The following CASK variants were observed in gnomAD, a reference collection of about 807,000 sequenced individuals.
The protein encoded by CASK is peripheral plasma membrane protein CASK.
In CASK, 4 loss-of-function variants were observed where a neutral mutation model predicts 82.9. That is an observed-to-expected ratio of 0.05 (90% CI 0.02 to 0.11). The LOEUF (loss-of-function observed/expected upper bound fraction) is 0.11. Among genes scored for constraint, CASK ranks in the 10% least tolerant of loss-of-function variants. The pLI, the probability that CASK is intolerant of heterozygous loss-of-function variation, is 1.00. For missense variants in CASK, 358 were observed against 720.9 expected (o/e 0.50, Z 5.76); for synonymous variants, 259 against 253.5 (o/e 1.02, Z -0.20).
intron 3 of CASK, among the ~76,000 whole-genome samples, chrX:41,756,422 T>C (rs1307340424): frequency 2.7e-5 from 3 of 111,954 alleles, no homozygotes; most frequent in Admixed American, 9.5e-5. Context: ...CCAATGTCCA[T>C]CAATAGTAGA....
intron 18 of CASK, among the ~76,000 whole-genome samples, chrX:41,557,685 A>G (rs1256843334): frequency 9.0e-6 from 1 of 111,221 alleles, no homozygotes; most frequent in African/African-American, 3.3e-5. Flanking sequence ...AGATTGATTA[A>G]AACAATAATC....
intron 3 of CASK, among the ~76,000 whole-genome samples, chrX:41,783,167 C>T (rs1321111380): frequency 9.0e-6 from 1 of 111,392 alleles, no homozygotes; most frequent in Non-Finnish European, 1.9e-5. Context: ...CAACAAAAAA[C>T]AAACCCAACT....
chrX:41,680,644 C>T (rs2067337080), intron 5 of CASK, among the ~76,000 whole-genome samples: 2 of 110,881 alleles, frequency 1.8e-5, no homozygotes, highest in South Asian at 7.6e-4. Context: ...CCATGCTGGG[C>T]GTGGTGGCTC....
chrX:41,583,300 C>T (rs2065608773), intron 14 of CASK, among the ~76,000 whole-genome samples: 1 of 111,679 alleles, frequency 9.0e-6, no homozygotes, highest in Admixed American at 9.5e-5. Context: ...AAAAAAAAGG[C>T]TCCTATTTGG....
At chrX:41,727,407 G>C in intron 5 of CASK, 1 of 1,210,852 alleles carries the variant, frequency 8.3e-7, no homozygotes, top group South Asian at 1.8e-5. Flanking sequence ...AGGATTCCTC[G>C]CAAGAGACTA....
intron 3 of CASK, among the ~76,000 whole-genome samples, chrX:41,769,719 T>A (rs1182736039): frequency 1.8e-5 from 2 of 110,928 alleles, no homozygotes; most frequent in African/African-American, 3.3e-5. Context: ...GGAGGCAGGA[T>A]GATTCCTTGA....
intron 12 of CASK, among the ~76,000 whole-genome samples, chrX:41,601,566 A>T (rs757764216): frequency 1.8e-5 from 2 of 111,729 alleles, no homozygotes; most frequent in Non-Finnish European, 3.8e-5. Flanking sequence ...TTAGCCACAA[A>T]GCTAAATTTT....
chrX:41,580,990 C>T (rs962910343), intron 14 of CASK, among the ~76,000 whole-genome samples: 1 of 112,126 alleles, frequency 8.9e-6, no homozygotes, highest in Non-Finnish European at 1.9e-5. Flanking sequence ...CTGCAATAAG[C>T]AAAGGAAATA....
Position 41,696,740 on chromosome X carries a change from T to C in CASK, c.430-25210A>G, listed in dbSNP as rs755191592. ...CAGGATACTCCCTGCATGATACATC[T>C]GTGGCAGTGAAAATACAGTCTAGTT... On this transcript the variant is annotated intron_variant, in intron 5 of 26. Coordinates refer to ENST00000378163, the MANE Select transcript of CASK (RefSeq NM_001367721.1). 8.3e-6 allele frequency: 10 copies of C among 1,199,558 alleles called. No individual in the cohort carries two copies. The Admixed American group carries it at 2.2e-4, about 27-fold the overall frequency.
At position 41,558,169 on chromosome X, in the gene CASK, CT is replaced by C. The variant is rs765865407; in HGVS notation, c.1738-1070del. The C allele has an allele frequency of 1.9e-3, 195 of 101,022 alleles. 1 individual carries two copies. The highest frequency in any genetic ancestry group is 0.012 in the South Asian group (26 of 2,240). The allele number at this position is 101,022 out of a possible 1,213,427, so 8.3% of individuals were successfully genotyped here. A position where few individuals can be genotyped will look rare whatever the true frequency, so the allele number is the denominator to read the frequency against. On this transcript the variant is annotated intron_variant, in intron 18 of 26. Coordinates refer to ENST00000378163, the MANE Select transcript of CASK (RefSeq NM_001367721.1). ...CAGATGCAGGTGGCCAGAGAGCCTT[CT>C]TTTTTTTTTTTTGAAGTATTGCCCT...
intron 22 of CASK, among the ~76,000 whole-genome samples, chrX:41,537,745 G>A (rs1050934538): frequency 3.7e-5 from 4 of 109,183 alleles, no homozygotes; most frequent in African/African-American, 9.9e-5. Flanking sequence ...GAGTGTAGAC[G>A]TGGAAGCCTT....
At position 41,749,059 on chromosome X, in the gene CASK, C is replaced by T. The variant is rs186705065; in HGVS notation, c.279-3458G>A. On this transcript the variant is annotated intron_variant, in intron 3 of 26. Coordinates refer to ENST00000378163, the MANE Select transcript of CASK (RefSeq NM_001367721.1). ...CAGCGCTTTGGGAGGCCGAGGCGGG[C>T]GGATAGCTTGAGGCCAGGAGTTCGC... Among the ~76,000 whole-genome samples the T allele has an allele frequency of 1.3e-3, 145 of 110,912 alleles. 2 individuals are homozygous for T. The highest frequency in any genetic ancestry group is 4.5e-3 in the African/African-American group (137 of 30,543).
At chrX:41,870,035 GGA>G (rs1449792386) in intron 1 of CASK, among the ~76,000 whole-genome samples, 2 of 109,122 alleles carry the variant, frequency 1.8e-5, no homozygotes, top group Non-Finnish European at 3.8e-5. Context: ...GGTCCCAGCA[GGA>G]GAGGAAAGAG....
chrX:41,528,843 C>T lies in CASK; in HGVS notation c.2520+2164G>A, dbSNP rs779723218. On this transcript the variant is annotated intron_variant, in intron 25 of 26. Transcript: ENST00000378163. ...CCTGAAGGCAGGATGAAGGCCTTGT[C>T]CAGCTGAGGAGAGACTGGGCTGAGG... 6.2e-5 allele frequency among the ~76,000 whole-genome samples: 7 copies of T among 112,125 alleles called. No homozygotes were observed. In the South Asian group the frequency reaches 2.6e-3, roughly 42 times the overall value.
chrX:41,741,476 C>A (rs2147724706), intron 4 of CASK, among the ~76,000 whole-genome samples: 1 of 112,035 alleles, frequency 8.9e-6, no homozygotes, highest in African/African-American at 3.2e-5. Flanking sequence ...ACAGAATGAA[C>A]TATTTTGGAT....
At chrX:41,681,878 G>A (rs1409910385) in intron 5 of CASK, among the ~76,000 whole-genome samples, 1 of 108,346 alleles carries the variant, frequency 9.2e-6, no homozygotes. Flanking sequence ...CCTGGGAGGC[G>A]GAGGTTGTAG....
At chrX:41,598,224 C>T (rs2065848956) in intron 12 of CASK, among the ~76,000 whole-genome samples, 1 of 111,383 alleles carries the variant, frequency 9.0e-6, no homozygotes, top group African/African-American at 3.3e-5. Context: ...TGGAGAAGAG[C>T]AGTGTATTTA....
intron 1 of CASK, among the ~76,000 whole-genome samples, chrX:41,883,078 C>T (rs1451642684): frequency 8.9e-6 from 1 of 111,938 alleles, no homozygotes; most frequent in African/African-American, 3.2e-5. Context: ...AAGCTGGTTA[C>T]TCTTGTTAGG....
intron 1 of CASK, among the ~76,000 whole-genome samples, chrX:41,857,350 A>G (rs2071391626): frequency 9.0e-6 from 1 of 110,981 alleles, no homozygotes; most frequent in Non-Finnish European, 1.9e-5. Flanking sequence ...GGGGTACGGA[A>G]GGTTCAAATT....
Sources: allele counts gnomAD v4.1 joint callset (sites outside exome capture counted in the v4.1 genomes callset), GRCh38; gene constraint gnomAD v4.1.1; transcripts MANE v1.5; gene names NCBI Gene and HGNC (gene_info 2026-07-23, HGNC 2026-07-21).